The following DAXX variants were observed in gnomAD, a reference collection of about 807,000 sequenced individuals.
DAXX encodes the protein death domain associated protein, also known as death domain-associated protein 6.
In DAXX, 24 loss-of-function variants were observed where a neutral mutation model predicts 61.9. The observed-to-expected ratio is 0.39, with a 90% CI of 0.28 to 0.55. The LOEUF (loss-of-function observed/expected upper bound fraction) is 0.55, where lower values mean the gene tolerates loss of function less well. DAXX is among the 20% of genes least tolerant of loss of function. DAXX has a pLI of 0.69. For missense variants in DAXX, 819 were observed against 935.3 expected, an observed-to-expected ratio of 0.88 and a Z score of 1.62; for synonymous variants, 357 against 369.5, an observed-to-expected ratio of 0.97 and a Z score of 0.39.
At chr6:33,318,972 A>T (rs1221674787) in intron 7 of DAXX, 25 bp downstream of exon 7, 1 of 1,588,522 alleles carries the variant, frequency 6.3e-7, no homozygotes, top group South Asian at 1.1e-5. Flanking sequence ...AAATTGTCAG[A>T]GGAAACACGC....
rs763144708 is a variant in DAXX, at chr6:33,321,011, T to A, written c.764A>T (p.Gln255Leu). The change falls in exon 3 of 8, where the codon CAG (glutamine) becomes CTG (leucine). Residue 255 changes from glutamine (Q) to leucine (L), a missense_variant. By Grantham distance (113) the Gln-to-Leu change is moderately radical. Coordinates refer to ENST00000374542, the MANE Select transcript of DAXX (RefSeq NM_001141969.2). The surrounding 1 kb of genome is among the most constrained non-coding windows in gnomAD (Gnocchi z 7.2). The stretch of plus-strand genomic sequence containing the variant: ...GCGGGTGCCACGGTAGGGGATGCGC[T>A]GCTCTATGACACGGCCGGTCAGTGA... ...CSSLTGRVIE[Q>L]RIPYRGTRYP... The A allele has an allele frequency of 6.2e-7, 1 of 1,614,124 alleles. No individual in the cohort carries two copies. Among genetic ancestry groups the A allele is most frequent in the Non-Finnish European group, 8.5e-7 (1 of 1,179,956 alleles).
chr6:33,320,149 TCTC>T lies in DAXX; in HGVS notation c.1324_1326del (p.Glu442del), dbSNP rs755745890. On this transcript the variant is annotated inframe_deletion, in exon 5 of 8. Coordinates refer to ENST00000374542, the MANE Select transcript of DAXX (RefSeq NM_001141969.2). This position sits in a 1 kb window ranked among gnomAD's most constrained non-coding sequence, Gnocchi z 7.1. ...TCCTCCTCCTCCTCTTCCTCATCAC[TCTC>T]CTCATCGTCTTCGTCATCTGTCTCA... 1.2e-4 allele frequency: 189 copies of T among 1,613,614 alleles called. No homozygotes were observed. Among genetic ancestry groups the T allele is most frequent in the Non-Finnish European group, 1.5e-4 (172 of 1,179,880 alleles).
In DAXX at chr6:33,321,159, G is replaced by A. The variant is rs2150995938; in HGVS notation, c.616C>T (p.Gln206Ter). The A allele has an allele frequency of 6.2e-7, 1 of 1,613,574 alleles. No individual in the cohort carries two copies. The highest frequency in any genetic ancestry group is 8.5e-7 in the Non-Finnish European group (1 of 1,179,550). ...TCTGAGAGATCCAACTCCTTTTCCT[G>A]CAGCCGCCGGATCTCTGCCACATAG... Reference protein sequence around the residue: ...ALYVAEIRRLQEKELDLSELD... With the variant: ...ALYVAEIRRL Residue 206 changes from glutamine (Q) to a stop codon, truncating the protein, a stop_gained, in exon 3 of 8, where the codon CAG becomes TAG. Transcript: ENST00000374542. LOFTEE classifies it high-confidence loss of function. The surrounding 1 kb of genome is among the most constrained non-coding windows in gnomAD (Gnocchi z 7.2).
Position 33,320,691 on chromosome 6 carries a change from C to T in DAXX, c.1039+45G>A, listed in dbSNP as rs773594993. The stretch of plus-strand genomic sequence containing the variant: ...AGAGAGATGCCCCATCCGCCTCATA[C>T]CTGACATATAAGGGTCACTGAGAGG... On this transcript the variant is annotated intron_variant, in intron 3 of 7. Transcript: ENST00000374542. The surrounding 1 kb of genome is among the most constrained non-coding windows in gnomAD (Gnocchi z 7.1). 3 of 1,607,776 alleles carry T rather than the reference C, an allele frequency of 1.9e-6. No individual in the cohort carries two copies. Among genetic ancestry groups the T allele is most frequent in the African/African-American group, 1.3e-5 (1 of 74,780 alleles).
rs1770306978 is a variant in DAXX at position 33,319,780 on chromosome 6, T to G, written c.1540A>C (p.Ile514Leu). 2.5e-6 allele frequency: 4 copies of G among 1,614,088 alleles called. No individual in the cohort carries two copies. In the South Asian group the frequency reaches 4.4e-5, roughly 18 times the overall value. Residue 514 changes from isoleucine (I) to leucine (L), a missense_variant, in exon 6 of 8, where the codon ATC (isoleucine) becomes CTC (leucine). Coordinates refer to ENST00000374542, the MANE Select transcript of DAXX (RefSeq NM_001141969.2). ...NEKNLEPGKQISRSSGEQQNK... is the reference protein window; with the variant it reads ...NEKNLEPGKQLSRSSGEQQNK... ...TGCTGCTCCCCTGAAGATCTGCTGA[T>G]CTGTTTGCCAGGTTCCAGGTTCTTT...
Position 33,321,034 on chromosome 6 carries a change from T to C in DAXX, c.741A>G (p.Ser247=). The C allele has an allele frequency of 6.2e-7, 1 of 1,614,034 alleles. No individual in the cohort carries two copies. The highest frequency in any genetic ancestry group is 8.5e-7 in the Non-Finnish European group (1 of 1,179,928). The change falls in exon 3 of 8, where the codon TCA becomes TCG. Residue 247 remains serine, a synonymous_variant. Transcript: ENST00000374542. The surrounding 1 kb of genome is among the most constrained non-coding windows in gnomAD (Gnocchi z 7.2). ...GCTGCTCTATGACACGGCCGGTCAG[T>C]GAAGAGCAGTCTTTCAGCTCACATA... The part of the protein sequence containing the change: ...GRLCELKDCS[S]LTGRVIEQRI...
In DAXX at chr6:33,321,474, C is replaced by T. The variant is rs2150998111; in HGVS notation, c.301G>A (p.Ala101Thr). 6.2e-7 allele frequency: 1 copy of T among 1,613,950 alleles called. No homozygotes were observed. Among genetic ancestry groups the T allele is most frequent in the Admixed American group, 1.7e-5 (1 of 59,980 alleles). The change falls in exon 3 of 8, where the codon GCC (alanine) becomes ACC (threonine). Residue 101 changes from alanine to threonine, a missense_variant. Transcript: ENST00000374542. This position sits in a 1 kb window ranked among gnomAD's most constrained non-coding sequence, Gnocchi z 7.2. ...AGGATGTTGCAGAACTCCGCCGAGG[C>T]CAAAAACAGAGAGTGGGCACGTTGC... ...RQQRAHSLFL[A>T]SAEFCNILSR...
rs2150995536 is a variant in DAXX, at chr6:33,321,094, C to G, written c.681G>C (p.Arg227=). The stretch of plus-strand genomic sequence containing the variant: ...AGAGGCGGATCAGCTTACGCTTCAA[C>G]CGTGCCTCCTGCAGGTATGCGGAGT... ...DPDSAYLQEA[R]LKRKLIRLFG... The change falls in exon 3 of 8, where the codon CGG becomes CGC. Residue 227 remains arginine, a synonymous_variant. Coordinates refer to ENST00000374542, the MANE Select transcript of DAXX (RefSeq NM_001141969.2). This position sits in a 1 kb window ranked among gnomAD's most constrained non-coding sequence, Gnocchi z 7.2. 6.2e-7 allele frequency: 1 copy of G among 1,612,774 alleles called. No individual in the cohort carries two copies. Among genetic ancestry groups the G allele is most frequent in the Non-Finnish European group, 8.5e-7 (1 of 1,178,736 alleles).
rs763122 is a variant in DAXX, at chr6:33,319,277, G to A, written c.1941-58C>T. The A allele has an allele frequency of 4.8e-3, 7,444 of 1,562,502 alleles. 259 individuals are homozygous for A. In the African/African-American group the frequency reaches 0.079, roughly 17 times the overall value. On this transcript the variant is annotated intron_variant, in intron 6 of 7. Coordinates refer to ENST00000374542, the MANE Select transcript of DAXX (RefSeq NM_001141969.2). ...ACGGGAAGACTGAGGCTGGAGGGGG[G>A]CAGTCCAGTCTCTCCCAGCAGACTC...
Position 33,321,103 on chromosome 6 carries a change from C to G in DAXX, c.672G>C (p.Gln224His). 1 of 1,612,918 alleles carries G rather than the reference C, an allele frequency of 6.2e-7. No individual in the cohort carries two copies. Among genetic ancestry groups the G allele is most frequent in the East Asian group, 2.2e-5 (1 of 44,880 alleles). ...TCAGCTTACGCTTCAACCGTGCCTC[C>G]TGCAGGTATGCGGAGTCTGGGTCAT... Reference protein sequence around the residue: ...ELDDPDSAYLQEARLKRKLIR... With the variant: ...ELDDPDSAYLHEARLKRKLIR... The change falls in exon 3 of 8, where the codon CAG (glutamine) becomes CAC (histidine). Residue 224 changes from glutamine to histidine, a missense_variant. Gln to His is a conservative substitution (Grantham distance 24). Coordinates refer to ENST00000374542, the MANE Select transcript of DAXX (RefSeq NM_001141969.2). The surrounding 1 kb of genome is among the most constrained non-coding windows in gnomAD (Gnocchi z 7.2).
rs1160944105 is a variant in DAXX at position 33,319,084 on chromosome 6, G to C, written c.2076C>G (p.Gly692=). The change falls in exon 7 of 8, where the codon GGC becomes GGG. Residue 692 remains glycine, a synonymous_variant. Transcript: ENST00000374542. ...GGATGCAGAGGGAGCTGGTCACCAG[G>C]CCATGGCTGGGAGAGTCCACCCTCG... is the stretch of plus-strand genomic sequence containing the variant. ...SSTRVDSPSH[G]LVTSSLCIPS... 2 of 1,614,034 alleles carry C rather than the reference G, an allele frequency of 1.2e-6. No individual in the cohort carries two copies. The highest frequency in any genetic ancestry group is 1.3e-5 in the African/African-American group (1 of 74,946).
intron 5 of DAXX, 77 bp downstream of exon 5, chr6:33,319,934 A>C: frequency 1.9e-6 from 3 of 1,602,962 alleles, no homozygotes; most frequent in Non-Finnish European, 2.6e-6. Flanking sequence ...AGGAGGAGGA[A>C]GGGAAAGGTT....
Position 33,321,017 on chromosome 6 carries a change from A to G in DAXX, c.758T>C (p.Ile253Thr). ...KDCSSLTGRVIEQRIPYRGTR... is the reference protein window; with the variant it reads ...KDCSSLTGRVTEQRIPYRGTR... ...GCCACGGTAGGGGATGCGCTGCTCT[A>G]TGACACGGCCGGTCAGTGAAGAGCA... The change falls in exon 3 of 8, where the codon ATA becomes ACA. Residue 253 changes from isoleucine to threonine, a missense_variant. Physicochemically the swap from Ile to Thr is moderately conservative, Grantham distance 89. Coordinates refer to ENST00000374542, the MANE Select transcript of DAXX (RefSeq NM_001141969.2). The surrounding 1 kb of genome is among the most constrained non-coding windows in gnomAD (Gnocchi z 7.2). 1.9e-6 allele frequency: 3 copies of G among 1,614,038 alleles called. No individual in the cohort carries two copies. The highest frequency in any genetic ancestry group is 2.5e-6 in the Non-Finnish European group (3 of 1,179,900).
rs1770238584 is a variant in DAXX, at chr6:33,319,428, T to C, written c.1892A>G (p.Lys631Arg). The C allele has an allele frequency of 2.5e-6, 4 of 1,613,206 alleles. No homozygotes were observed. The South Asian group carries it at 4.4e-5, about 18-fold the overall frequency. ...NWGDSGPPCKKSRKEKKQTGS... is the reference protein window; with the variant it reads ...NWGDSGPPCKRSRKEKKQTGS... ...TGTTTGCTTCTTCTCCTTCCGAGAT[T>C]TTTTGCAGGGGGGACCAGAATCTCC... Residue 631 changes from lysine to arginine, a missense_variant, in exon 6 of 8, where the codon AAA becomes AGA. Coordinates refer to ENST00000374542, the MANE Select transcript of DAXX (RefSeq NM_001141969.2).
At position 33,319,368 on chromosome 6, in the gene DAXX, T is replaced by C; in HGVS notation, c.1940+12A>G. On this transcript the variant is annotated intron_variant, in intron 6 of 7. Transcript: ENST00000374542. ...TCCTTGGCTTCCCTCTTCCTCCTCC[T>C]CTTGTTATTACCTGTTTCCTAATGG... 1 of 1,605,978 alleles carries C rather than the reference T, an allele frequency of 6.2e-7. No individual in the cohort carries two copies. Among genetic ancestry groups the C allele is most frequent in the Non-Finnish European group, 8.5e-7 (1 of 1,176,568 alleles).
At position 33,321,217 on chromosome 6, in the gene DAXX, C is replaced by T. The variant is rs2150996332; in HGVS notation, c.558G>A (p.Arg186=). Residue 186 remains arginine (R), a synonymous_variant, in exon 3 of 8, where the codon CGG becomes CGA. Coordinates refer to ENST00000374542, the MANE Select transcript of DAXX (RefSeq NM_001141969.2). The surrounding 1 kb of genome is among the most constrained non-coding windows in gnomAD (Gnocchi z 7.2). ...SQSPRTRGSR[R]QIQRLEQLLA... is the part of the protein sequence containing the mutation. The stretch of plus-strand genomic sequence containing the variant: ...GCAGCTGCTCCAAACGCTGGATCTG[C>T]CGCCGGGAACCACGGGTCCTTGGAG... The T allele has an allele frequency of 6.2e-7, 1 of 1,612,622 alleles. No homozygotes were observed. Among genetic ancestry groups the T allele is most frequent in the African/African-American group, 1.3e-5 (1 of 75,000 alleles).
rs190677625 is a variant in DAXX at position 33,319,941 on chromosome 6, G to A, written c.1465+70C>T. Reference sequence around the variant, plus strand: ...AGGACACTAGGAGGAGGAAGGGAAAGGTTTCAAACAGGTGGCTCATGCCTA... The same window carrying A: ...AGGACACTAGGAGGAGGAAGGGAAAAGTTTCAAACAGGTGGCTCATGCCTA... On this transcript the variant is annotated intron_variant, in intron 5 of 7. Coordinates refer to ENST00000374542, the MANE Select transcript of DAXX (RefSeq NM_001141969.2). 9.1e-4 allele frequency: 1,454 copies of A among 1,605,574 alleles called. 3 individuals are homozygous for A. Among genetic ancestry groups the A allele is most frequent in the Non-Finnish European group, 1.2e-3 (1,353 of 1,174,904 alleles).
Position 33,319,682 on chromosome 6 carries a change from T to C in DAXX, c.1638A>G (p.Glu546=), listed in dbSNP as rs747188410. 7 of 1,613,728 alleles carry C rather than the reference T, an allele frequency of 4.3e-6. No individual in the cohort carries two copies. Among genetic ancestry groups the C allele is most frequent in the Admixed American group, 3.3e-5 (2 of 60,000 alleles). The change falls in exon 6 of 8, where the codon GAA becomes GAG. Residue 546 remains glutamate, a synonymous_variant. Transcript: ENST00000374542. ...GCTCCTCAGGCTGTTCTCCATTGCT[T>C]TCAGCATCTATGCTGGAGGGGGCCA... ...EPLAPSSIDA[E]SNGEQPEELT... is the part of the protein sequence containing the mutation.
chr6:33,322,008 C>T, intron 1 of DAXX, 31 bp from the exon 2 acceptor site: 1 of 1,492,068 alleles, frequency 6.7e-7, no homozygotes, highest in South Asian at 1.3e-5. Flanking sequence ...AGAATGAGCC[C>T]CTCCAGCATA....
Sources: allele counts gnomAD v4.1 joint callset, GRCh38; gene constraint gnomAD v4.1.1; non-coding constraint Gnocchi (gnomAD v3.1); transcripts MANE v1.5; gene names NCBI Gene and HGNC (gene_info 2026-07-23, HGNC 2026-07-21).